Variants in KPNB1 observed in about 807,000 individuals in gnomAD.
KPNB1 encodes the protein karyopherin subunit beta 1, also known as importin subunit beta-1.
In KPNB1, 7 loss-of-function variants were observed where a neutral mutation model predicts 113.0. The ratio of observed to expected loss-of-function variants is 0.06; its 90% CI spans 0.04 to 0.12. The LOEUF is 0.12. Among genes scored for constraint, KPNB1 ranks in the 10% least tolerant of loss-of-function variants. The pLI is 1.00. For synonymous variants in KPNB1, 363 were observed against 378.6 expected (o/e 0.96, Z 0.48); for missense variants, 400 against 1,054.8 (o/e 0.38, Z 8.60).
At chr17:47,661,612 A>G (rs2030099408) in intron 6 of KPNB1, among the ~76,000 whole-genome samples, 2 of 152,076 alleles carry the variant, frequency 1.3e-5, no homozygotes, top group African/African-American at 4.8e-5. Flanking sequence ...TAATAAAAAC[A>G]TTAGAGAAGA....
chr17:47,679,238 T>C (rs1014572518), intron 19 of KPNB1, among the ~76,000 whole-genome samples: 3 of 152,158 alleles, frequency 2.0e-5, no homozygotes, highest in African/African-American at 7.2e-5. Flanking sequence ...CTGCTTCTTT[T>C]TCTCATATTT....
chr17:47,680,541 G>T lies in KPNB1; in HGVS notation c.2502G>T (p.Leu834=). Residue 834 remains leucine (L), a synonymous_variant, in exon 21 of 22, where the codon CTG becomes CTT. Transcript: ENST00000290158. The part of the protein sequence containing the change: ...DLCTAFGKDV[L]KLVEARPMIH... ...GTACAGCATTTGGGAAGGATGTACT[G>T]AAATTAGTAGAAGCTAGGCCAATGA... 1 of 1,614,198 alleles carries T rather than the reference G, an allele frequency of 6.2e-7. No individual in the cohort carries two copies. The highest frequency in any genetic ancestry group is 2.2e-5 in the East Asian group (1 of 44,884).
In KPNB1 at chr17:47,652,728, C is replaced by G; in HGVS notation, c.134C>G (p.Ala45Gly). 6.2e-7 allele frequency: 1 copy of G among 1,610,964 alleles called. No homozygotes were observed. The highest frequency in any genetic ancestry group is 8.5e-7 in the Non-Finnish European group (1 of 1,178,976). The change falls in exon 3 of 22, where the codon GCA becomes GGA. Residue 45 changes from alanine (A) to glycine (G), a missense_variant. Transcript: ENST00000290158. ...CTTGTGGAACTGTCCAGAGTGCTGG[C>G]AAATCCAGGAAACAGTCAGGTTGCC... Reference protein sequence around the residue: ...TFLVELSRVLANPGNSQVARV... With the variant: ...TFLVELSRVLGNPGNSQVARV...
At chr17:47,678,279 A>C in intron 18 of KPNB1, 29 bp from the exon 19 acceptor site, 1 of 1,609,432 alleles carries the variant, frequency 6.2e-7, no homozygotes, top group Non-Finnish European at 8.5e-7. Flanking sequence ...GATCAGTGTG[A>C]TGTAGGTTCT....
At chr17:47,681,492 TTGACCTCC>T (rs2030776424) in intron 21 of KPNB1, among the ~76,000 whole-genome samples, 1 of 151,712 alleles carries the variant, frequency 6.6e-6, no homozygotes, top group African/African-American at 2.4e-5. Context: ...CAGGCTGGTC[TTGACCTCC>T]TGACCTCGTG....
chr17:47,675,379 T>G (rs1472365748), intron 15 of KPNB1, among the ~76,000 whole-genome samples: 4 of 113,850 alleles, frequency 3.5e-5, no homozygotes, highest in African/African-American at 1.2e-4. Context: ...TTTGTTTTTT[T>G]TTTTTGTTTG....
At chr17:47,666,484 A>G (rs954749291) in intron 9 of KPNB1, among the ~76,000 whole-genome samples, 2 of 144,250 alleles carry the variant, frequency 1.4e-5, no homozygotes, top group Admixed American at 7.1e-5. Flanking sequence ...AATGTTATAT[A>G]TTATATATTT....
At position 47,650,047 on chromosome 17, in the gene KPNB1, G is replaced by T; in HGVS notation, c.-198G>T. The stretch of plus-strand genomic sequence containing the variant: ...GCCGCCAGCAGCCCATTTGGAGGGA[G>T]GAAGTAAGGGAAGAGGAGAGGAAGG... On this transcript the variant is annotated 5_prime_UTR_variant, in exon 1 of 22. The change creates a new upstream start codon in the 5' untranslated region. Transcript: ENST00000290158. 1 of 1,363,540 alleles carries T rather than the reference G, an allele frequency of 7.3e-7. No homozygotes were observed. The highest frequency in any genetic ancestry group is 9.4e-7 in the Non-Finnish European group (1 of 1,064,284). 84.5% of individuals were successfully genotyped at this position (1,363,540 alleles called of 1,614,324 possible). A position where few individuals can be genotyped will look rare whatever the true frequency, so the allele number is the denominator to read the frequency against.
chr17:47,675,095 A>T (rs1892200881), intron 15 of KPNB1, among the ~76,000 whole-genome samples: 1 of 152,130 alleles, frequency 6.6e-6, no homozygotes, highest in African/African-American at 2.4e-5. Context: ...CTAGGATTAT[A>T]GATGTGAGCC....
rs2030421424 is a variant in KPNB1, at chr17:47,670,779, C to T, written c.1494C>T (p.Cys498=). Residue 498 remains cysteine, a synonymous_variant, in exon 12 of 22, where the codon TGC becomes TGT. Coordinates refer to ENST00000290158, the MANE Select transcript of KPNB1 (RefSeq NM_002265.6). ...ADDQEEPATY[C]LSSSFELIVQ... ...ATCAGGAAGAACCAGCTACTTACTG[C>T]TTATCTTCTTCATTTGAACTCATAG... 2 of 1,612,706 alleles carry T rather than the reference C, an allele frequency of 1.2e-6. No homozygotes were observed. Among genetic ancestry groups the T allele is most frequent in the Non-Finnish European group, 1.7e-6 (2 of 1,178,812 alleles).
chr17:47,652,964 T>C, intron 3 of KPNB1, 88 bp downstream of exon 3: 4 of 977,524 alleles, frequency 4.1e-6, no homozygotes, highest in Non-Finnish European at 5.9e-6. Context: ...GGGATAGAGC[T>C]AACAGTGTGA....
intron 7 of KPNB1, 129 bp from the exon 8 acceptor site, chr17:47,664,030 C>A: frequency 1.8e-6 from 1 of 566,992 alleles, no homozygotes; most frequent in Non-Finnish European, 3.2e-6. Context: ...CCTATCTTTT[C>A]TTTCAAGCCT....
At chr17:47,681,906 C>T (rs889420277) in intron 21 of KPNB1, among the ~76,000 whole-genome samples, 1 of 152,062 alleles carries the variant, frequency 6.6e-6, no homozygotes, top group Non-Finnish European at 1.5e-5. Flanking sequence ...AATCACACCT[C>T]ATAGAAGCCT....
At chr17:47,651,026 G>C (rs1052193426) in intron 2 of KPNB1, among the ~76,000 whole-genome samples, 3 of 151,936 alleles carry the variant, frequency 2.0e-5, no homozygotes, top group Non-Finnish European at 2.9e-5. Flanking sequence ...TCCTCTCTTG[G>C]GGTTTTTTCT....
intron 16 of KPNB1, 134 bp from the exon 17 acceptor site, chr17:47,676,886 T>C (rs2030630055): frequency 3.2e-6 from 2 of 632,232 alleles, no homozygotes; most frequent in East Asian, 2.7e-5. Context: ...ATGTTGGTTG[T>C]TGAAAAATTA....
intron 19 of KPNB1, 52 bp downstream of exon 19, chr17:47,678,465 C>A: frequency 3.2e-6 from 4 of 1,257,036 alleles, no homozygotes; most frequent in Non-Finnish European, 4.7e-6. Flanking sequence ...TGCACTTAGC[C>A]AAGTGGGCTA....
At chr17:47,652,350 A>G (rs1188529210) in intron 2 of KPNB1, among the ~76,000 whole-genome samples, 1 of 152,236 alleles carries the variant, frequency 6.6e-6, no homozygotes, top group African/African-American at 2.4e-5. Context: ...CTCAGTATAC[A>G]TAGAAGACTG....
intron 7 of KPNB1, among the ~76,000 whole-genome samples, chr17:47,663,932 C>T (rs1031469561): frequency 3.8e-4 from 58 of 150,818 alleles, no homozygotes; most frequent in African/African-American, 1.1e-3. Context: ...TTGCAGTAAG[C>T]TGAGATTGTG....
intron 5 of KPNB1, among the ~76,000 whole-genome samples, chr17:47,659,037 A>C (rs965616389): frequency 6.6e-6 from 1 of 152,082 alleles, no homozygotes; most frequent in Non-Finnish European, 1.5e-5. Flanking sequence ...ACAAAGTCAG[A>C]TATCGTCCCT....
Sources: gnomAD v4.1 joint callset for allele counts (sites outside exome capture counted in the v4.1 genomes callset) on GRCh38, gnomAD v4.1.1 for gene constraint, MANE v1.5 for transcripts, NCBI Gene and HGNC (gene_info 2026-07-23, HGNC 2026-07-21) for gene names.